The following TRPM3 variants were observed in gnomAD, a reference collection of about 807,000 sequenced individuals.
The protein encoded by TRPM3 is long transient receptor potential channel 3.
TRPM3 carries 77 observed loss-of-function variants against 181.2 expected under a neutral mutation model. That is an observed-to-expected ratio of 0.42 (90% CI 0.35 to 0.51). TRPM3 has a LOEUF of 0.51. TRPM3 is among the 20% of genes least tolerant of loss of function. The pLI is 0.01. For synonymous variants in TRPM3, 745 were observed against 796.4 expected, an observed-to-expected ratio of 0.94 and a Z score of 1.09; for missense variants, 1,759 against 2,196.7, an observed-to-expected ratio of 0.80 and a Z score of 3.98.
intron 12 of TRPM3, among the ~76,000 whole-genome samples, chr9:70,634,936 C>T (rs112263502): frequency 9.9e-5 from 15 of 152,154 alleles, no homozygotes; most frequent in Middle Eastern, 3.4e-3. Context: ...CCACTTGGCA[C>T]GGGGAAAGCC....
chr9:70,610,680 G>A lies in TRPM3; in HGVS notation c.2596C>T (p.Arg866Trp). The A allele has an allele frequency of 6.2e-7, 1 of 1,614,148 alleles. No homozygotes were observed. The highest frequency in any genetic ancestry group is 8.5e-7 in the Non-Finnish European group (1 of 1,180,002). The change falls in exon 19 of 26, where the codon CGG (arginine) becomes TGG (tryptophan). Residue 866 changes from arginine to tryptophan, a missense_variant. By Grantham distance (101) the Arg-to-Trp change is moderately radical. Transcript: ENST00000677713. ...ATTTTTCTGCCGAGGGGGATTAACCGGTGCTTGCTCTGAACTTCCTCTTCA... is the reference window on the plus strand; with the variant it reads ...ATTTTTCTGCCGAGGGGGATTAACCAGTGCTTGCTCTGAACTTCCTCTTCA... Reference protein sequence around the residue: ...KDEEEVQSKHRLIPLGRKIYE... With the variant: ...KDEEEVQSKHWLIPLGRKIYE...
At chr9:70,886,674 T>G (rs1347174973) in intron 1 of TRPM3, among the ~76,000 whole-genome samples, 1 of 151,950 alleles carries the variant, frequency 6.6e-6, no homozygotes, top group Non-Finnish European at 1.5e-5. Flanking sequence ...CTTTTTTTCT[T>G]TTTTTTTGAG....
At chr9:71,111,248 T>A (rs1029457538) in intron 1 of TRPM3, among the ~76,000 whole-genome samples, 1 of 152,186 alleles carries the variant, frequency 6.6e-6, no homozygotes, top group South Asian at 2.1e-4. Context: ...CAATTTCTTG[T>A]AAAATGAAAA....
chr9:70,911,910 T>C (rs1419505298), intron 1 of TRPM3, among the ~76,000 whole-genome samples: 1 of 152,228 alleles, frequency 6.6e-6, no homozygotes, highest in East Asian at 1.9e-4. Flanking sequence ...TTCCCCTATG[T>C]CATTGTCCGT....
At chr9:70,928,696 A>G (rs1243820495) in intron 1 of TRPM3, among the ~76,000 whole-genome samples, 1 of 152,162 alleles carries the variant, frequency 6.6e-6, no homozygotes, top group Non-Finnish European at 1.5e-5. Context: ...CATGGAGGAG[A>G]AGAAATCAGG....
chr9:70,543,438 ATTCT>A lies in TRPM3; in HGVS notation c.3708-6037_3708-6034del, dbSNP rs1237559317. ...TGCTATCAAACAGCAGATCTTATTCATTCTTTCTATTTTTTTTTGTACCCATTAA... is the reference window on the plus strand; with the variant it reads ...TGCTATCAAACAGCAGATCTTATTCATTCTATTTTTTTTTGTACCCATTAA... On this transcript the variant is annotated intron_variant, in intron 25 of 25. Transcript: ENST00000677713. Among the ~76,000 whole-genome samples the A allele has an allele frequency of 7.2e-5, 11 of 152,220 alleles. No homozygotes were observed. The East Asian group carries it at 2.1e-3, about 29-fold the overall frequency.
At chr9:71,205,902 A>G (rs933073346) in intron 1 of TRPM3, among the ~76,000 whole-genome samples, 5 of 152,194 alleles carry the variant, frequency 3.3e-5, no homozygotes, top group Non-Finnish European at 5.9e-5. Context: ...TGAAAGTGTG[A>G]AAGAGTCACC....
chr9:70,813,139 T>C (rs1407663323), intron 6 of TRPM3, among the ~76,000 whole-genome samples: 3 of 152,208 alleles, frequency 2.0e-5, no homozygotes, highest in African/African-American at 7.2e-5. Flanking sequence ...ATCTGCAAGA[T>C]GAAAGCAATG....
In TRPM3 at chr9:71,315,656, T is replaced by C. The variant is rs1013101398; in HGVS notation, c.183+130997A>G. 4.6e-5 allele frequency among the ~76,000 whole-genome samples: 7 copies of C among 152,188 alleles called. 1 individual carries two copies. Among genetic ancestry groups the C allele is most frequent in the Admixed American group, 3.3e-4 (5 of 15,264 alleles). On this transcript the variant is annotated intron_variant, in intron 1 of 24. Transcript: ENST00000357533. Reference sequence around the variant, plus strand: ...TTTATTAAAATCAATTTAAGAAAAATACAGTTTAAAAGGATTCTGAAGAAA... The same window carrying C: ...TTTATTAAAATCAATTTAAGAAAAACACAGTTTAAAAGGATTCTGAAGAAA...
At chr9:70,900,200 A>G (rs1023516402) in intron 1 of TRPM3, among the ~76,000 whole-genome samples, 3 of 152,074 alleles carry the variant, frequency 2.0e-5, no homozygotes, top group South Asian at 2.1e-4. Context: ...AACACAGCTC[A>G]TGGTTTAAAA....
chr9:71,034,775 A>ATGTTGGGTTGTTGAATGC (rs1441584313), intron 1 of TRPM3, among the ~76,000 whole-genome samples: 1 of 148,840 alleles, frequency 6.7e-6, no homozygotes, highest in Non-Finnish European at 1.5e-5. Flanking sequence ...TTAGAGAGAG[A>ATGTTGGGTTGTTGAATGC]TGTTGGGTTG....
At chr9:70,686,993 G>T (rs2067134647) in intron 8 of TRPM3, among the ~76,000 whole-genome samples, 1 of 151,578 alleles carries the variant, frequency 6.6e-6, no homozygotes, top group South Asian at 2.1e-4. Context: ...GCTAATTTTT[G>T]TATGTTTTTT....
intron 1 of TRPM3, among the ~76,000 whole-genome samples, chr9:71,254,021 ATG>A (rs2082516767): frequency 6.6e-6 from 1 of 152,036 alleles, no homozygotes; most frequent in Non-Finnish European, 1.5e-5. Flanking sequence ...CTGGATTCAA[ATG>A]ATTCTCCTGC....
intron 6 of TRPM3, among the ~76,000 whole-genome samples, chr9:70,814,319 T>G (rs781732733): frequency 6.6e-6 from 1 of 152,138 alleles, no homozygotes; most frequent in Non-Finnish European, 1.5e-5. Context: ...GAAAGGGAGC[T>G]GGACTTTGGG....
intron 1 of TRPM3, among the ~76,000 whole-genome samples, chr9:70,906,164 A>C (rs2096462034): frequency 6.6e-6 from 1 of 152,064 alleles, no homozygotes; most frequent in South Asian, 2.1e-4. Context: ...CTAAATTTTT[A>C]TTTCTTTTAT....
chr9:70,691,477 ACT>A (rs1268023166), intron 8 of TRPM3, among the ~76,000 whole-genome samples: 3 of 152,206 alleles, frequency 2.0e-5, no homozygotes, highest in African/African-American at 7.2e-5. Flanking sequence ...ATTCAAGCAC[ACT>A]CACAGCACCA....
At position 70,700,874 on chromosome 9, in the gene TRPM3, G is replaced by A. The variant is rs138905539; in HGVS notation, c.1273-19296C>T. Among the ~76,000 whole-genome samples, 295 of 152,276 alleles carry A rather than the reference G, an allele frequency of 1.9e-3. 1 individual carries two copies. The highest frequency in any genetic ancestry group is 6.4e-3 in the African/African-American group (267 of 41,550). On this transcript the variant is annotated intron_variant, in intron 8 of 25. Transcript: ENST00000677713. ...GTTAAACGTGCTAAATATGCTAAAC[G>A]TTGTCCCAGAAAGCAACTCTGGTAT... is the stretch of plus-strand genomic sequence containing the variant.
chr9:71,378,408 G>A (rs2092715985), intron 1 of TRPM3, among the ~76,000 whole-genome samples: 1 of 152,066 alleles, frequency 6.6e-6, no homozygotes, highest in South Asian at 2.1e-4. Context: ...TAAGCAAAAT[G>A]TTCATTGCAG....
intron 1 of TRPM3, among the ~76,000 whole-genome samples, chr9:70,986,985 T>G (rs1410822896): frequency 6.6e-6 from 1 of 151,778 alleles, no homozygotes; most frequent in Non-Finnish European, 1.5e-5. Context: ...TTTTGAGTAC[T>G]TGACATGTAT....
Sources: gnomAD v4.1 joint callset for allele counts (sites outside exome capture counted in the v4.1 genomes callset) on GRCh38, gnomAD v4.1.1 for gene constraint, MANE v1.5 for transcripts, NCBI Gene and HGNC (gene_info 2026-07-23, HGNC 2026-07-21) for gene names.